The following DEPDC5 variants were observed in gnomAD, a reference collection of about 807,000 sequenced individuals.
DEPDC5 encodes DEP domain containing 5, GATOR1 subcomplex subunit.
In DEPDC5, 73 loss-of-function variants were observed where a neutral mutation model predicts 217.3. That is an observed-to-expected ratio of 0.34 (90% CI 0.28 to 0.41). The LOEUF (loss-of-function observed/expected upper bound fraction) is 0.41, where lower values mean the gene tolerates loss of function less well. Ranked by LOEUF, DEPDC5 falls within the 10% of genes least tolerant of loss-of-function variation. The pLI is 1.00. For synonymous variants in DEPDC5, 733 were observed against 756.7 expected (o/e 0.97, Z 0.51); for missense variants, 1,675 against 2,070.1 (o/e 0.81, Z 3.70).
chr22:31,797,525 T>G, intron 12 of DEPDC5, 75 bp from the exon 13 acceptor site: 25 of 1,206,526 alleles, frequency 2.1e-5, no homozygotes, highest in Non-Finnish European at 2.9e-5. Context: ...CAATTTGAGA[T>G]GAAATTTGGG....
At position 31,846,893 on chromosome 22, in the gene DEPDC5, G is replaced by A; in HGVS notation, c.3081G>A (p.Glu1027=). The part of the protein sequence containing the change: ...MTGPISTHSL[E]STAPPVGKKG... ...GGCCCATTTCCACGCATTCTCTGGAGTCAACTGCACCCCCAGTGGGGAAGA... is the reference window on the plus strand; with the variant it reads ...GGCCCATTTCCACGCATTCTCTGGAATCAACTGCACCCCCAGTGGGGAAGA... The change falls in exon 31 of 43, where the codon GAG becomes GAA. Residue 1027 remains glutamate (E), a synonymous_variant. Coordinates refer to ENST00000651528, the MANE Select transcript of DEPDC5 (RefSeq NM_001242896.3). The A allele has an allele frequency of 6.2e-7, 1 of 1,614,238 alleles. No individual in the cohort carries two copies. Among genetic ancestry groups the A allele is most frequent in the Non-Finnish European group, 8.5e-7 (1 of 1,180,046 alleles).
At chr22:31,799,798 CCTT>C (rs2086669742) in intron 14 of DEPDC5, among the ~76,000 whole-genome samples, 2 of 119,230 alleles carry the variant, frequency 1.7e-5, no homozygotes, top group Non-Finnish European at 3.4e-5. Context: ...CCATGCCCGG[CCTT>C]TTTTTTTTTT....
intron 22 of DEPDC5, 84 bp from the exon 23 acceptor site, chr22:31,821,418 G>A (rs2089685945): frequency 1.3e-6 from 2 of 1,562,822 alleles, no homozygotes; most frequent in East Asian, 4.6e-5. Context: ...TATCCCAGTA[G>A]CTGGAAAGAA....
In DEPDC5 at chr22:31,804,392, T is replaced by G. The variant is rs559788446; in HGVS notation, c.1143+169T>G. 1.1e-4 allele frequency among the ~76,000 whole-genome samples: 16 copies of G among 152,286 alleles called. No individual in the cohort carries two copies. The South Asian group carries it at 3.3e-3, about 32-fold the overall frequency. On this transcript the variant is annotated intron_variant, in intron 16 of 42. Coordinates refer to ENST00000651528, the MANE Select transcript of DEPDC5 (RefSeq NM_001242896.3). Reference sequence around the variant, plus strand: ...GTATAGTTTGCTATGAACATGCCTATGAATAACCACTGCACTCCAGCCTGG... The same window carrying G: ...GTATAGTTTGCTATGAACATGCCTAGGAATAACCACTGCACTCCAGCCTGG...
Position 31,864,524 on chromosome 22 carries a change from ATT to A in DEPDC5, c.3330+3093_3330+3094del, listed in dbSNP as rs1491359048. 9.6e-4 allele frequency among the ~76,000 whole-genome samples: 127 copies of A among 132,698 alleles called. 3 individuals carry two copies. The highest frequency in any genetic ancestry group is 4.2e-3 in the Middle Eastern group (1 of 236). 87.1% of individuals were successfully genotyped at this position (132,698 alleles called of 152,430 possible). ...AAAATATATATATATATATATATAT[ATT>A]TATATATTTATTTATTTACTGTGTG... On this transcript the variant is annotated intron_variant, in intron 33 of 42. Transcript: ENST00000651528.
Position 31,843,653 on chromosome 22 carries a change from A to G in DEPDC5, c.2642A>G (p.Tyr881Cys), listed in dbSNP as rs1263174457. The G allele has an allele frequency of 3.1e-6, 5 of 1,596,696 alleles. No homozygotes were observed. The highest frequency in any genetic ancestry group is 2.6e-6 in the Non-Finnish European group (3 of 1,166,560). ...TGCCCTTTATTTTGCAGGTATCCTTATGAATCTGCCCAGATCCACTACACC... is the reference window on the plus strand; with the variant it reads ...TGCCCTTTATTTTGCAGGTATCCTTGTGAATCTGCCCAGATCCACTACACC... ...TVTRYLPKYP[Y>C]ESAQIHYTYS... The change falls in exon 29 of 43, where the codon TAT becomes TGT. Residue 881 changes from tyrosine to cysteine, a missense_variant. Transcript: ENST00000651528.
chr22:31,866,673 C>T (rs563599274), intron 33 of DEPDC5, among the ~76,000 whole-genome samples: 69 of 152,278 alleles, frequency 4.5e-4, no homozygotes, highest in African/African-American at 1.5e-3. Flanking sequence ...TGTGAGCCAC[C>T]GCGCCCAGCC....
At chr22:31,851,665 C>T (rs2092033945) in intron 31 of DEPDC5, among the ~76,000 whole-genome samples, 1 of 152,078 alleles carries the variant, frequency 6.6e-6, no homozygotes. Flanking sequence ...TGAGGGTCTC[C>T]CTGTAGAGAT....
At chr22:31,768,748 C>G in intron 6 of DEPDC5, 66 bp from the exon 7 acceptor site, 1 of 1,314,456 alleles carries the variant, frequency 7.6e-7, no homozygotes, top group Non-Finnish European at 1.1e-6. Context: ...GTTAATCAAT[C>G]TCTCTCTCTT....
chr22:31,805,006 C>A, intron 17 of DEPDC5, 91 bp downstream of exon 17: 1 of 1,236,552 alleles, frequency 8.1e-7, no homozygotes, highest in Non-Finnish European at 1.2e-6. Flanking sequence ...CTTATTATGG[C>A]ACTAAACCTT....
At chr22:31,858,967 C>G (rs973473581) in intron 32 of DEPDC5, 8 of 151,518 alleles carry the variant, frequency 5.3e-5, no homozygotes, top group Admixed American at 5.3e-4. Context: ...GTAAACCAAA[C>G]GTTGGCAAAC....
At position 31,799,174 on chromosome 22, in the gene DEPDC5, T is replaced by G. The variant is rs555579418; in HGVS notation, c.946+518T>G. ...TTCTCCTGCCTCAGCCTCCTGAGTA[T>G]CTGGGATTACAGGTGCGCATCACCA... On this transcript the variant is annotated intron_variant, in intron 14 of 42. Transcript: ENST00000651528. Among the ~76,000 whole-genome samples the G allele has an allele frequency of 3.3e-5, 5 of 150,134 alleles. No individual in the cohort carries two copies. In the South Asian group the frequency reaches 6.4e-4, roughly 19 times the overall value.
chr22:31,778,155 G>C lies in DEPDC5; in HGVS notation c.470G>C (p.Ser157Thr), dbSNP rs2084069004. The change falls in exon 8 of 43, where the codon AGT becomes ACT. Residue 157 changes from serine to threonine, a missense_variant. Ser to Thr is a moderately conservative substitution (Grantham distance 58). Coordinates refer to ENST00000651528, the MANE Select transcript of DEPDC5 (RefSeq NM_001242896.3). ...GAGAAGGTCATGTGTGGCTACATCA[G>C]TGAAGATACCAGGGTAAGATTTATA... ...KNEKVMCGYISEDTRVVFRST... is the reference protein window; with the variant it reads ...KNEKVMCGYITEDTRVVFRST... 1.2e-6 allele frequency: 2 copies of C among 1,614,154 alleles called. No individual in the cohort carries two copies. The highest frequency in any genetic ancestry group is 1.7e-6 in the Non-Finnish European group (2 of 1,180,000).
chr22:31,790,915 T>C (rs2085559575), intron 10 of DEPDC5, among the ~76,000 whole-genome samples: 1 of 151,876 alleles, frequency 6.6e-6, no homozygotes, highest in Non-Finnish European at 1.5e-5. Context: ...CCTGGGTAAT[T>C]TTCCTACTTT....
At chr22:31,843,834 T>C in intron 29 of DEPDC5, 22 bp downstream of exon 29, 2 of 1,574,052 alleles carry the variant, frequency 1.3e-6, no homozygotes, top group Non-Finnish European at 1.7e-6. Context: ...GGCTTTGGAT[T>C]TCCATCTTTG....
chr22:31,902,428 A>ATATATATATATATATACT (rs2149424524), intron 41 of DEPDC5, among the ~76,000 whole-genome samples: 1 of 142,216 alleles, frequency 7.0e-6, no homozygotes, highest in Non-Finnish European at 1.5e-5. Context: ...ATATATATAT[A>ATATATATATATATATACT]TATATATACT....
chr22:31,790,391 C>G (rs1033680584), intron 10 of DEPDC5, among the ~76,000 whole-genome samples: 1 of 152,186 alleles, frequency 6.6e-6, no homozygotes, highest in African/African-American at 2.4e-5. Context: ...TGATGTTCAT[C>G]TGTAAACACC....
chr22:31,770,808 T>C (rs1468871907), intron 7 of DEPDC5, among the ~76,000 whole-genome samples: 3 of 146,190 alleles, frequency 2.1e-5, no homozygotes, highest in South Asian at 4.3e-4. Context: ...TTTTTTTTTT[T>C]TGAGACAAAG....
intron 9 of DEPDC5, 120 bp downstream of exon 9, chr22:31,784,105 G>T: frequency 1.3e-6 from 1 of 762,174 alleles, no homozygotes; most frequent in Non-Finnish European, 2.1e-6. Flanking sequence ...AAATATCATT[G>T]TGAGAATAAT....
Sources: gnomAD v4.1 joint callset for allele counts (sites outside exome capture counted in the v4.1 genomes callset) on GRCh38, gnomAD v4.1.1 for gene constraint, MANE v1.5 for transcripts, NCBI Gene and HGNC (gene_info 2026-07-23, HGNC 2026-07-21) for gene names.